PLXNA2: variants seen among roughly 807,000 people sequenced by gnomAD.
PLXNA2 encodes the protein plexin A2.
In PLXNA2, 91 loss-of-function variants were observed where a neutral mutation model predicts 193.5. The ratio of observed to expected loss-of-function variants is 0.47; its 90% CI spans 0.40 to 0.56. The LOEUF is 0.56. PLXNA2 is among the 20% of genes least tolerant of loss of function. PLXNA2 has a pLI of 0.00. For missense variants in PLXNA2, 1,995 were observed against 2,503.2 expected, an observed-to-expected ratio of 0.80 and a Z score of 4.33; for synonymous variants, 997 against 1,027.3, an observed-to-expected ratio of 0.97 and a Z score of 0.56.
intron 8 of PLXNA2, among the ~76,000 whole-genome samples, chr1:208,094,114 C>G (rs758627691): frequency 2.4e-4 from 36 of 152,218 alleles, no homozygotes; most frequent in Non-Finnish European, 5.1e-4. Flanking sequence ...TTCTGAGCTT[C>G]ATGCTATCTC....
chr1:208,166,748 A>G (rs549355867), intron 3 of PLXNA2, among the ~76,000 whole-genome samples: 1 of 152,348 alleles, frequency 6.6e-6, no homozygotes, highest in East Asian at 1.9e-4. Flanking sequence ...GTAAGAATTA[A>G]AGGTGCCATG....
rs1336075280 is a variant in PLXNA2 at position 208,034,530 on chromosome 1, G to A, written c.4827C>T (p.Ala1609=). The change falls in exon 27 of 32, where the codon GCC becomes GCT. Residue 1609 remains alanine, a synonymous_variant. Transcript: ENST00000367033. ...PKQTSSYNIP[A]SASISRTSIS... ...TGGACGTCCGGGAGATGCTGGCAGA[G>A]GCAGGGATGTTGTAGGAGGAGGTCT... is the stretch of plus-strand genomic sequence containing the variant. The A allele has an allele frequency of 2.5e-6, 4 of 1,614,048 alleles. No homozygotes were observed. The highest frequency in any genetic ancestry group is 3.4e-6 in the Non-Finnish European group (4 of 1,179,904).
At chr1:208,114,314 A>G (rs945576793) in intron 4 of PLXNA2, among the ~76,000 whole-genome samples, 1 of 152,174 alleles carries the variant, frequency 6.6e-6, no homozygotes, top group Non-Finnish European at 1.5e-5. Flanking sequence ...CTGTTTCCCC[A>G]GTTATGAAGG....
chr1:208,141,705 A>G (rs1364409793), intron 4 of PLXNA2, among the ~76,000 whole-genome samples: 3 of 152,010 alleles, frequency 2.0e-5, no homozygotes, highest in Non-Finnish European at 4.4e-5. Flanking sequence ...CTCTCTCTGC[A>G]TTTGCCTTCT....
chr1:208,050,427 C>T (rs1375271545), intron 17 of PLXNA2, among the ~76,000 whole-genome samples: 1 of 152,252 alleles, frequency 6.6e-6, no homozygotes, highest in African/African-American at 2.4e-5. Context: ...CAAAGTCAAC[C>T]TGTCATAAAA....
In PLXNA2 at chr1:208,045,889, T is replaced by C. The variant is rs1665046387; in HGVS notation, c.3484A>G (p.Ile1162Val). Reference protein sequence around the residue: ...GVLDQKPGSPIILKGKNLCPP... With the variant: ...GVLDQKPGSPVILKGKNLCPP... ...GCGGGCACTCCTACCTTCAGAATGA[T>C]GGGCGATCCTGGCTTTTGATCCAAG... Residue 1162 changes from isoleucine (I) to valine (V), a missense_variant, in exon 18 of 32, where the codon ATC (isoleucine) becomes GTC (valine). Ile to Val is a conservative substitution (Grantham distance 29). This residue lies in a region of PLXNA2 where 1,291 missense variants were observed against 1,673.6 expected (regional missense o/e 0.77). Transcript: ENST00000367033. 1 of 1,614,226 alleles carries C rather than the reference T, an allele frequency of 6.2e-7. No homozygotes were observed. The highest frequency in any genetic ancestry group is 1.1e-5 in the South Asian group (1 of 91,086).
chr1:208,055,378 C>T (rs761259042), intron 13 of PLXNA2, among the ~76,000 whole-genome samples: 5 of 151,836 alleles, frequency 3.3e-5, no homozygotes, highest in South Asian at 2.1e-4. Flanking sequence ...GCCTTAGCCA[C>T]GGTACCCTTC....
At chr1:208,175,908 C>T (rs573111382) in intron 3 of PLXNA2, among the ~76,000 whole-genome samples, 101 of 152,266 alleles carry the variant, frequency 6.6e-4, no homozygotes, top group African/African-American at 2.1e-3. Flanking sequence ...GGGTTGGACA[C>T]GGGCCGGCTT....
chr1:208,207,853 G>A (rs1286545413), intron 3 of PLXNA2, among the ~76,000 whole-genome samples: 2 of 152,212 alleles, frequency 1.3e-5, no homozygotes, highest in Non-Finnish European at 2.9e-5. Context: ...AGAGGAGGAA[G>A]GAGGGGTGTC....
At chr1:208,123,832 G>T (rs1350860906) in intron 4 of PLXNA2, among the ~76,000 whole-genome samples, 1 of 152,196 alleles carries the variant, frequency 6.6e-6, no homozygotes. Context: ...TGAAAAGGAC[G>T]CGGCTAGTCA....
intron 3 of PLXNA2, among the ~76,000 whole-genome samples, chr1:208,146,376 C>A (rs2007188): frequency 1.3e-5 from 2 of 152,152 alleles, no homozygotes; most frequent in Non-Finnish European, 2.9e-5. Context: ...ATAAAAATTA[C>A]TGGAGCTAAT....
At chr1:208,093,675 A>G (rs1447987936) in intron 8 of PLXNA2, among the ~76,000 whole-genome samples, 1 of 152,238 alleles carries the variant, frequency 6.6e-6, no homozygotes, top group East Asian at 1.9e-4. Flanking sequence ...AGTATTAAGT[A>G]GTAACTTTGT....
chr1:208,206,616 G>C (rs1470923973), intron 3 of PLXNA2, among the ~76,000 whole-genome samples: 1 of 152,082 alleles, frequency 6.6e-6, no homozygotes, highest in African/African-American at 2.4e-5. Context: ...GCAGACCCTG[G>C]TAATCTTCCT....
At chr1:208,087,792 A>C (rs1307366772) in intron 9 of PLXNA2, among the ~76,000 whole-genome samples, 1 of 151,964 alleles carries the variant, frequency 6.6e-6, no homozygotes, top group Non-Finnish European at 1.5e-5. Context: ...GGTGGAGGAG[A>C]CTGGACCCCA....
At chr1:208,066,070 G>C (rs908092963) in intron 12 of PLXNA2, among the ~76,000 whole-genome samples, 2 of 152,052 alleles carry the variant, frequency 1.3e-5, no homozygotes, top group African/African-American at 2.4e-5. Flanking sequence ...GTGTGTGGTG[G>C]GGATGTGGAG....
intron 3 of PLXNA2, among the ~76,000 whole-genome samples, chr1:208,168,723 GGTTTTTTTTTTTT>G (rs1669390297): frequency 2.0e-5 from 2 of 102,238 alleles, no homozygotes; most frequent in Non-Finnish European, 3.7e-5. Flanking sequence ...GAGTATGCGG[GGTTTTTTTTTTTT>G]TTTTTTTTTT....
intron 22 of PLXNA2, among the ~76,000 whole-genome samples, chr1:208,041,660 T>C (rs1325065867): frequency 1.3e-5 from 2 of 152,254 alleles, no homozygotes; most frequent in Non-Finnish European, 2.9e-5. Flanking sequence ...TTCTATTTCA[T>C]TTTAATTTGT....
intron 3 of PLXNA2, among the ~76,000 whole-genome samples, chr1:208,195,601 T>A (rs957087222): frequency 1.3e-5 from 2 of 149,470 alleles, no homozygotes; most frequent in African/African-American, 4.9e-5. Flanking sequence ...GCATCTGCCA[T>A]TCTGTGAAGC....
At chr1:208,166,997 C>T (rs1431127793) in intron 3 of PLXNA2, among the ~76,000 whole-genome samples, 1 of 152,126 alleles carries the variant, frequency 6.6e-6, no homozygotes. Context: ...AGGGAGTTCC[C>T]AAAATAGAGA....
Sources: gnomAD v4.1 joint callset for allele counts (sites outside exome capture counted in the v4.1 genomes callset) on GRCh38, gnomAD v4.1.1 for gene constraint, gnomAD v4.1.1 regional missense constraint, MANE v1.5 for transcripts, NCBI Gene and HGNC (gene_info 2026-07-23, HGNC 2026-07-21) for gene names.